The following SYNPR variants were observed in gnomAD, a reference collection of about 807,000 sequenced individuals.
SYNPR encodes synaptoporin.
A neutral mutation model predicts 32.9 loss-of-function variants in SYNPR; 23 were observed. That is an observed-to-expected ratio of 0.70 (90% confidence interval 0.50 to 0.99). The LOEUF is 0.99. Ranked by LOEUF, SYNPR falls within the 50% of genes least tolerant of loss-of-function variation. SYNPR has a pLI of 0.00. For missense variants in SYNPR, 318 were observed against 349.3 expected, an observed-to-expected ratio of 0.91 and a Z score of 0.71; for synonymous variants, 146 against 135.9, an observed-to-expected ratio of 1.07 and a Z score of -0.52.
chr3:63,438,465 T>C (rs566829546), intron 2 of SYNPR, among the ~76,000 whole-genome samples: 1 of 152,324 alleles, frequency 6.6e-6, no homozygotes, highest in East Asian at 1.9e-4. Flanking sequence ...CCTGAGCTAC[T>C]GTACCTCTCA....
intron 2 of SYNPR, among the ~76,000 whole-genome samples, chr3:63,318,444 C>T (rs1325102533): frequency 6.6e-6 from 1 of 151,800 alleles, no homozygotes; most frequent in Non-Finnish European, 1.5e-5. Flanking sequence ...AGACTTTGTT[C>T]ATATTTTCTT....
chr3:63,564,291 G>A (rs976381362), intron 4 of SYNPR, among the ~76,000 whole-genome samples: 1 of 151,472 alleles, frequency 6.6e-6, no homozygotes, highest in Non-Finnish European at 1.5e-5. Context: ...CTGCCTCCTG[G>A]ATTCAAGCCA....
At chr3:63,230,143 G>A (rs988929868) in intron 1 of SYNPR, among the ~76,000 whole-genome samples, 4 of 152,072 alleles carry the variant, frequency 2.6e-5, no homozygotes, top group Non-Finnish European at 4.4e-5. Flanking sequence ...GGATAATCTG[G>A]TAAAGTTGGA....
chr3:63,206,252 TA>T, the SYNPR span, among the ~76,000 whole-genome samples: 1 of 152,126 alleles, frequency 6.6e-6, no homozygotes, highest in African/African-American at 2.4e-5. Context: ...ATTACCAGTT[TA>T]GGGGGGGAAA....
intron 3 of SYNPR, among the ~76,000 whole-genome samples, chr3:63,484,692 G>A (rs995021546): frequency 6.6e-6 from 1 of 152,158 alleles, no homozygotes; most frequent in African/African-American, 2.4e-5. Context: ...CTGTGAAGGA[G>A]GCTACTATTT....
chr3:63,606,830 C>G (rs913994180), intron 4 of SYNPR, among the ~76,000 whole-genome samples: 14 of 152,178 alleles, frequency 9.2e-5, no homozygotes, highest in African/African-American at 3.1e-4. Context: ...ATGACTTCAA[C>G]CAATTTGTTT....
chr3:63,314,876 A>G (rs371891129), intron 2 of SYNPR, among the ~76,000 whole-genome samples: 1 of 151,476 alleles, frequency 6.6e-6, no homozygotes, highest in African/African-American at 2.4e-5. Flanking sequence ...TTTGAGTCCT[A>G]AATCATCTAA....
intron 3 of SYNPR, among the ~76,000 whole-genome samples, chr3:63,549,737 CTAAAAACTA>C (rs1407676655): frequency 6.6e-6 from 1 of 152,114 alleles, no homozygotes; most frequent in African/African-American, 2.4e-5. Context: ...ACAAACGTAA[CTAAAAACTA>C]TGGGGACTCA....
At position 63,551,195 on chromosome 3, in the gene SYNPR, C is replaced by T. The variant is rs977781275; in HGVS notation, c.210-5348C>T. 2.0e-5 allele frequency among the ~76,000 whole-genome samples: 3 copies of T among 152,180 alleles called. No homozygotes were observed. In the South Asian group the frequency reaches 6.2e-4, roughly 32 times the overall value. On this transcript the variant is annotated intron_variant, in intron 3 of 5. Transcript: ENST00000478300. ...ATATGTGGTCTTTTGTGACTAGCTT[C>T]TTTCACTGAGCATAATGTTTTCAAG...
chr3:63,507,773 A>G (rs1677461402), intron 3 of SYNPR, among the ~76,000 whole-genome samples: 1 of 152,150 alleles, frequency 6.6e-6, no homozygotes, highest in African/African-American at 2.4e-5. Flanking sequence ...TTTGTTTAAC[A>G]TTAGTTCAAA....
chr3:63,232,043 CT>C (rs1334979668), intron 1 of SYNPR, among the ~76,000 whole-genome samples: 1 of 152,036 alleles, frequency 6.6e-6, no homozygotes, highest in Non-Finnish European at 1.5e-5. Flanking sequence ...AGAGTTATAA[CT>C]CAGAGCTGGT....
chr3:63,500,293 A>G (rs1243462285), intron 3 of SYNPR, among the ~76,000 whole-genome samples: 2 of 152,194 alleles, frequency 1.3e-5, no homozygotes, highest in South Asian at 2.1e-4. Context: ...AGTCATCTCA[A>G]TCATCAAGGC....
At chr3:63,227,539 G>T (rs2086137679), upstream of SYNPR, among the ~76,000 whole-genome samples, 1 of 152,070 alleles carries the variant, frequency 6.6e-6, no homozygotes. Flanking sequence ...AAATGTAGAG[G>T]GTAGGCAGTC....
At chr3:63,266,826 A>G (rs1227863754) in intron 2 of SYNPR, among the ~76,000 whole-genome samples, 1 of 152,024 alleles carries the variant, frequency 6.6e-6, no homozygotes, top group African/African-American at 2.4e-5. Context: ...TGGCTTCTCC[A>G]CGAGACCCAG....
At chr3:63,458,529 A>G (rs1700524893) in intron 2 of SYNPR, among the ~76,000 whole-genome samples, 1 of 152,100 alleles carries the variant, frequency 6.6e-6, no homozygotes, top group Admixed American at 6.5e-5. Flanking sequence ...CATGGCAATC[A>G]CCAGGTTCTA....
At position 63,556,654 on chromosome 3, in the gene SYNPR, C is replaced by G; in HGVS notation, c.321C>G (p.Val107=). The G allele has an allele frequency of 1.2e-6, 2 of 1,613,848 alleles. No homozygotes were observed. Among genetic ancestry groups the G allele is most frequent in the Non-Finnish European group, 1.7e-6 (2 of 1,179,846 alleles). Residue 107 remains valine (V), a synonymous_variant, in exon 4 of 6, where the codon GTC becomes GTG. Transcript: ENST00000478300. ...CAGAGTTCTTCGTCACTGTTGCTGT[C>G]TTCGCCTTCCTCTACTCTTTGGCTG... ...SSAEFFVTVA[V]FAFLYSLAAT...
At chr3:63,599,182 C>A (rs1247059368) in intron 4 of SYNPR, among the ~76,000 whole-genome samples, 1 of 152,086 alleles carries the variant, frequency 6.6e-6, no homozygotes, top group Non-Finnish European at 1.5e-5. Context: ...AAAGTCTTAT[C>A]CCCTGGTGAC....
intron 2 of SYNPR, among the ~76,000 whole-genome samples, chr3:63,291,457 C>A (rs540452739): frequency 6.6e-6 from 1 of 152,282 alleles, no homozygotes; most frequent in African/African-American, 2.4e-5. Flanking sequence ...TCTGGGAAAT[C>A]TTTCCCATAT....
chr3:63,600,912 T>C (rs1319518792), intron 4 of SYNPR, among the ~76,000 whole-genome samples: 2 of 152,174 alleles, frequency 1.3e-5, no homozygotes, highest in African/African-American at 4.8e-5. Context: ...ATACAGAAGT[T>C]CAGGCTTATA....
Sources: gnomAD v4.1 joint callset for allele counts (sites outside exome capture counted in the v4.1 genomes callset) on GRCh38, gnomAD v4.1.1 for gene constraint, MANE v1.5 for transcripts, NCBI Gene and HGNC (gene_info 2026-07-23, HGNC 2026-07-21) for gene names.